FMNL1: variants seen among roughly 807,000 people sequenced by gnomAD.
The protein encoded by FMNL1 is formin like 1, also known as formin-like protein 1.
FMNL1 carries 43 observed loss-of-function variants against 121.3 expected under a neutral mutation model. The ratio of observed to expected loss-of-function variants is 0.35; its 90% CI spans 0.28 to 0.46. FMNL1 has a LOEUF of 0.46. Ranked by LOEUF, FMNL1 falls within the 20% of genes least tolerant of loss-of-function variation. FMNL1 has a pLI of 1.00. For missense variants in FMNL1, 1,191 were observed against 1,482.4 expected (o/e 0.80, Z 3.23); for synonymous variants, 613 against 613.5 (o/e 1.00, Z 0.01).
At chr17:45,222,398 C>A in intron 1 of FMNL1, 145 bp downstream of exon 1, 1 of 623,332 alleles carries the variant, frequency 1.6e-6, no homozygotes, top group Non-Finnish European at 2.1e-6. Context: ...GAGGTGGGAG[C>A]GACAGTGGCC....
rs77045185 is a variant in FMNL1, at chr17:45,223,782, T to C, written c.129+1529T>C. ...GGTCTGTCTTTCCGCCAAGTGTGTG[T>C]CTATGGTCGCGGGTGTGGGCTCTTG... On this transcript the variant is annotated intron_variant, in intron 1 of 26. Transcript: ENST00000331495. Among the ~76,000 whole-genome samples the C allele has an allele frequency of 8.5e-3, 1,293 of 152,204 alleles. 21 individuals carry two copies. Among genetic ancestry groups the C allele is most frequent in the African/African-American group, 0.029 (1,212 of 41,522 alleles).
intron 1 of FMNL1, among the ~76,000 whole-genome samples, chr17:45,227,852 A>G (rs1180603861): frequency 6.6e-6 from 1 of 152,160 alleles, no homozygotes; most frequent in Non-Finnish European, 1.5e-5. Flanking sequence ...GCTGAGGTCC[A>G]AGGGGGCAAA....
chr17:45,240,431 A>C lies in FMNL1; in HGVS notation c.1081-45A>C, dbSNP rs117228037. 12,589 of 1,520,724 alleles carry C rather than the reference A, an allele frequency of 8.3e-3. 60 individuals are homozygous for C. The highest frequency in any genetic ancestry group is 0.016 in the Middle Eastern group (84 of 5,246). The allele number at this position is 1,520,724 out of a possible 1,614,324, so 94.2% of individuals were successfully genotyped here. ...GGGTGGTTTGGAAAGACTCCCCCCC[A>C]CACACACACCAGGCCTCACCCCACT... On this transcript the variant is annotated intron_variant, in intron 11 of 26. Coordinates refer to ENST00000331495, the MANE Select transcript of FMNL1 (RefSeq NM_005892.4).
rs1431195234 is a variant in FMNL1 at position 45,233,848 on chromosome 17, A to T, written c.485+117A>T. 1.4e-6 allele frequency: 2 copies of T among 1,421,060 alleles called. No homozygotes were observed. Among genetic ancestry groups the T allele is most frequent in the East Asian group, 4.9e-5 (2 of 40,754 alleles). The allele number at this position is 1,421,060 out of a possible 1,614,324, so 88.0% of individuals were successfully genotyped here. On this transcript the variant is annotated intron_variant, in intron 5 of 26. Transcript: ENST00000331495. This position sits in a 1 kb window ranked among gnomAD's most constrained non-coding sequence, Gnocchi z 4.1. ...CCAGGCAGCCCGAGCCTACCCTGGAACCCTCCACTTGGCCTTGAGCGATGC... is the reference window on the plus strand; with the variant it reads ...CCAGGCAGCCCGAGCCTACCCTGGATCCCTCCACTTGGCCTTGAGCGATGC...
Position 45,246,262 on chromosome 17 carries a change from G to A in FMNL1, c.3143G>A (p.Arg1048Gln), listed in dbSNP as rs150981509. 212 of 1,614,008 alleles carry A rather than the reference G, an allele frequency of 1.3e-4. 1 individual carries two copies. The East Asian group carries it at 4.4e-3, about 34-fold the overall frequency. Residue 1048 changes from arginine (R) to glutamine (Q), a missense_variant, in exon 25 of 27, where the codon CGG (arginine) becomes CAG (glutamine). Physicochemically the swap from Arg to Gln is conservative, Grantham distance 43. Coordinates refer to ENST00000331495, the MANE Select transcript of FMNL1 (RefSeq NM_005892.4). ...PQMDLISELK[R>Q]RQQKEPLIYE... ...ATGGACCTCATCTCTGAGCTGAAAC[G>A]GAGGCAGCAGAAGGAGCCACTCATT...
At chr17:45,230,317 C>T (rs2043412704) in intron 1 of FMNL1, among the ~76,000 whole-genome samples, 1 of 152,208 alleles carries the variant, frequency 6.6e-6, no homozygotes, top group Admixed American at 6.5e-5. Flanking sequence ...ACGCTCCTGC[C>T]TGCACACCAG....
chr17:45,243,180 C>A lies in FMNL1; in HGVS notation c.2073C>A (p.Asp691Glu). 6.2e-7 allele frequency: 1 copy of A among 1,614,244 alleles called. No individual in the cohort carries two copies. Among genetic ancestry groups the A allele is most frequent in the Non-Finnish European group, 8.5e-7 (1 of 1,180,048 alleles). ...CCAAGTCCCAAGGCCCCAGCCTGGACCTCAGCGCTCTCAAGAGTAAGGCAG... is the reference window on the plus strand; with the variant it reads ...CCAAGTCCCAAGGCCCCAGCCTGGAACTCAGCGCTCTCAAGAGTAAGGCAG... ...FKTKSQGPSLDLSALKSKAAQ... is the reference protein window; with the variant it reads ...FKTKSQGPSLELSALKSKAAQ... The change falls in exon 17 of 27, where the codon GAC becomes GAA. Residue 691 changes from aspartate (D) to glutamate (E), a missense_variant. This residue lies in a region of FMNL1 where 519 missense variants were observed against 492.8 expected (regional missense o/e 1.05). Coordinates refer to ENST00000331495, the MANE Select transcript of FMNL1 (RefSeq NM_005892.4).
intron 16 of FMNL1, 42 bp from the exon 17 acceptor site, chr17:45,243,076 C>T: frequency 6.2e-7 from 1 of 1,607,760 alleles, no homozygotes; most frequent in Non-Finnish European, 8.5e-7. Context: ...AGTGCCAGAC[C>T]CCAGCCCCAC....
Position 45,246,933 on chromosome 17 carries a change from G to C in FMNL1, c.*75G>C. Reference sequence around the variant, plus strand: ...CGCAGTGCCCGTCGGCGTCCCCCGGGCCCCCCACTGCAGGTCACCTCCGAC... The same window carrying C: ...CGCAGTGCCCGTCGGCGTCCCCCGGCCCCCCCACTGCAGGTCACCTCCGAC... On this transcript the variant is annotated 3_prime_UTR_variant, in exon 27 of 27. Coordinates refer to ENST00000331495, the MANE Select transcript of FMNL1 (RefSeq NM_005892.4). The C allele has an allele frequency of 1.3e-6, 1 of 757,670 alleles. No homozygotes were observed. The allele number at this position is 757,670 out of a possible 1,614,324, so 46.9% of individuals were successfully genotyped here.
At chr17:45,227,444 G>A (rs2043351846) in intron 1 of FMNL1, among the ~76,000 whole-genome samples, 1 of 152,044 alleles carries the variant, frequency 6.6e-6, no homozygotes, top group East Asian at 1.9e-4. Context: ...GGAGGAGAAT[G>A]GTCCCCACAC....
At chr17:45,230,289 G>C (rs2043411971) in intron 1 of FMNL1, among the ~76,000 whole-genome samples, 1 of 152,200 alleles carries the variant, frequency 6.6e-6, no homozygotes, top group African/African-American at 2.4e-5. Flanking sequence ...GGTCCCCAGA[G>C]AGGTAGGCTG....
chr17:45,229,689 T>C (rs770904081), intron 1 of FMNL1, among the ~76,000 whole-genome samples: 1 of 152,162 alleles, frequency 6.6e-6, no homozygotes, highest in Non-Finnish European at 1.5e-5. Flanking sequence ...AAGCCCCTGG[T>C]GCTATTGACA....
At chr17:45,236,381 T>G (rs971263795) in intron 7 of FMNL1, 137 bp downstream of exon 7, 11 of 681,408 alleles carry the variant, frequency 1.6e-5, no homozygotes, top group Non-Finnish European at 2.7e-5. Context: ...TCTGGGCTGT[T>G]GGCTCAGGCT....
At position 45,243,953 on chromosome 17, in the gene FMNL1, G is replaced by A. The variant is rs35453857; in HGVS notation, c.2376G>A (p.Pro792=). The stretch of plus-strand genomic sequence containing the variant: ...TCATGCTATGCTTCAGCCGCATCCC[G>A]CGCCTGCCGGAGCGCATGACCACAC... ...DRFMLCFSRI[P]RLPERMTTLT... The change falls in exon 18 of 27, where the codon CCG becomes CCA. Residue 792 remains proline (P), a synonymous_variant. Transcript: ENST00000331495. The A allele has an allele frequency of 1.1e-4, 183 of 1,613,494 alleles. No homozygotes were observed. In the African/African-American group the frequency reaches 2.1e-3, roughly 18 times the overall value.
At position 45,243,339 on chromosome 17, in the gene FMNL1, G is replaced by C; in HGVS notation, c.2213+19G>C. 2 of 1,611,920 alleles carry C rather than the reference G, an allele frequency of 1.2e-6. No individual in the cohort carries two copies. Among genetic ancestry groups the C allele is most frequent in the Non-Finnish European group, 1.7e-6 (2 of 1,179,404 alleles). On this transcript the variant is annotated intron_variant, in intron 17 of 26. Coordinates refer to ENST00000331495, the MANE Select transcript of FMNL1 (RefSeq NM_005892.4). ...TTGAGGCGTGAGTGTCCCTGTCCTGGGTTTGTGGGCAGTCCGGCCCCTTTG... is the reference window on the plus strand; with the variant it reads ...TTGAGGCGTGAGTGTCCCTGTCCTGCGTTTGTGGGCAGTCCGGCCCCTTTG...
At position 45,237,923 on chromosome 17, in the gene FMNL1, C is replaced by G; in HGVS notation, c.894+284C>G. ...CTCAGCCTTGCCAGATCCAAACTAG[C>G]CTTGGTTCATACCTCCAGGAGTTGC... On this transcript the variant is annotated intron_variant, in intron 9 of 26. Transcript: ENST00000331495. The surrounding 1 kb of genome is among the most constrained non-coding windows in gnomAD (Gnocchi z 4.4). 2.7e-6 allele frequency: 1 copy of G among 373,866 alleles called. No individual in the cohort carries two copies. Among genetic ancestry groups the G allele is most frequent in the South Asian group, 3.2e-5 (1 of 31,522 alleles). The allele number at this position is 373,866 out of a possible 1,614,324, so 23.2% of individuals were successfully genotyped here. A position where few individuals can be genotyped will look rare whatever the true frequency, so the allele number is the denominator to read the frequency against.
In FMNL1 at chr17:45,246,514, C is replaced by A; in HGVS notation, c.3221C>A (p.Thr1074Lys). 1 of 1,614,198 alleles carries A rather than the reference C, an allele frequency of 6.2e-7. No homozygotes were observed. The highest frequency in any genetic ancestry group is 1.3e-5 in the African/African-American group (1 of 75,062). Residue 1074 changes from threonine to lysine, a missense_variant, in exon 26 of 27, where the codon ACG becomes AAG. Thr to Lys is a moderately conservative substitution (Grantham distance 78). Coordinates refer to ENST00000331495, the MANE Select transcript of FMNL1 (RefSeq NM_005892.4). ...CCCCACCCCCACTCAGTGATCAAGA[C>A]GGTGCCCTTCACGGCCCGCACCGGC... ...AIEDIITVIK[T>K]VPFTARTGKR...
intron 11 of FMNL1, among the ~76,000 whole-genome samples, chr17:45,239,910 C>T (rs933556650): frequency 6.6e-6 from 1 of 151,576 alleles, no homozygotes; most frequent in Non-Finnish European, 1.5e-5. Context: ...ATTTTCCAGC[C>T]TCCCCAGTAG....
At position 45,242,322 on chromosome 17, in the gene FMNL1, C is replaced by T. The variant is rs768958477; in HGVS notation, c.1886-19C>T. ...TAGTACCCCCAGTGCTCACCACTGC[C>T]CCCAAACCCCCGTCCCAGGAGTGAA... On this transcript the variant is annotated intron_variant, in intron 15 of 26. Coordinates refer to ENST00000331495, the MANE Select transcript of FMNL1 (RefSeq NM_005892.4). 8 of 1,612,708 alleles carry T rather than the reference C, an allele frequency of 5.0e-6. No individual in the cohort carries two copies. The highest frequency in any genetic ancestry group is 3.3e-5 in the South Asian group (3 of 90,898).
Sources: allele counts gnomAD v4.1 joint callset (sites outside exome capture counted in the v4.1 genomes callset), GRCh38; gene constraint gnomAD v4.1.1; regional missense constraint gnomAD v4.1.1; non-coding constraint Gnocchi (gnomAD v3.1); transcripts MANE v1.5; gene names NCBI Gene and HGNC (gene_info 2026-07-23, HGNC 2026-07-21).